Variants in BTBD10 observed in about 807,000 individuals in gnomAD.
BTBD10 encodes BTB/POZ domain-containing protein 10.
In BTBD10, 21 loss-of-function variants were observed where a neutral mutation model predicts 53.2. The ratio of observed to expected loss-of-function variants is 0.39; its 90% CI spans 0.28 to 0.57. The LOEUF is 0.57. Among genes scored for constraint, BTBD10 ranks in the 20% least tolerant of loss-of-function variants. BTBD10 has a pLI of 0.53. For missense variants in BTBD10, 360 were observed against 594.7 expected, an observed-to-expected ratio of 0.61 and a Z score of 4.10; for synonymous variants, 149 against 192.7, an observed-to-expected ratio of 0.77 and a Z score of 1.88.
intron 1 of BTBD10, among the ~76,000 whole-genome samples, chr11:13,452,352 T>C (rs770533484): frequency 3.9e-5 from 6 of 152,190 alleles, no homozygotes; most frequent in Non-Finnish European, 7.4e-5. Context: ...TGGTGAGTGA[T>C]GAACTATTCT....
intron 6 of BTBD10, among the ~76,000 whole-genome samples, chr11:13,410,851 G>A (rs1949926686): frequency 6.6e-6 from 1 of 152,074 alleles, no homozygotes; most frequent in South Asian, 2.1e-4. Flanking sequence ...TGAAGAAAAT[G>A]ATAAAACTCT....
chr11:13,417,350 A>AT (rs1437551964), intron 4 of BTBD10, 90 bp from the exon 5 acceptor site: 17 of 867,058 alleles, frequency 2.0e-5, no homozygotes, highest in Middle Eastern at 5.0e-4. Flanking sequence ...AAAAGGAATT[A>AT]TATCATTAAA....
At chr11:13,430,724 G>A (rs1343248845) in intron 2 of BTBD10, among the ~76,000 whole-genome samples, 1 of 151,976 alleles carries the variant, frequency 6.6e-6, no homozygotes, top group Non-Finnish European at 1.5e-5. Flanking sequence ...CACAAGTTAC[G>A]ACATGAATCA....
chr11:13,461,048 T>C (rs1565279035), intron 1 of BTBD10, among the ~76,000 whole-genome samples: 2 of 152,208 alleles, frequency 1.3e-5, no homozygotes. Context: ...ACTATAACTA[T>C]ACTTAAAGGC....
At chr11:13,456,090 C>T (rs12276571) in intron 1 of BTBD10, among the ~76,000 whole-genome samples, 344 of 152,286 alleles carry the variant, frequency 2.3e-3, no homozygotes, top group Non-Finnish European at 3.9e-3. Context: ...AAAACACTTG[C>T]TCACAAAGAA....
chr11:13,459,218 G>C (rs919058641), intron 1 of BTBD10, among the ~76,000 whole-genome samples: 57 of 151,162 alleles, frequency 3.8e-4, no homozygotes, highest in Admixed American at 8.5e-4. Context: ...CACTACGCCC[G>C]GCTAATTTTT....
intron 8 of BTBD10, among the ~76,000 whole-genome samples, chr11:13,391,575 G>A (rs1161117298): frequency 6.6e-6 from 1 of 152,212 alleles, no homozygotes; most frequent in Non-Finnish European, 1.5e-5. Context: ...TACACTGCAG[G>A]TGCTAAACAA....
At chr11:13,449,271 G>A (rs1365102806) in intron 1 of BTBD10, among the ~76,000 whole-genome samples, 1 of 152,108 alleles carries the variant, frequency 6.6e-6, no homozygotes, top group Admixed American at 6.5e-5. Context: ...AGTGTATGGA[G>A]ACCACTTATT....
chr11:13,450,213 C>A (rs928265281), intron 1 of BTBD10, among the ~76,000 whole-genome samples: 1 of 152,092 alleles, frequency 6.6e-6, no homozygotes, highest in African/African-American at 2.4e-5. Flanking sequence ...ATGGTAAAGA[C>A]TGACCAGGAG....
chr11:13,413,471 T>A (rs1950012416), intron 6 of BTBD10, 59 bp downstream of exon 6: 1 of 1,466,884 alleles, frequency 6.8e-7, no homozygotes, highest in Non-Finnish European at 9.2e-7. Flanking sequence ...AATTTCAGGC[T>A]TTTTGTTCCA....
chr11:13,427,147 G>A (rs933324258), intron 2 of BTBD10, among the ~76,000 whole-genome samples: 11 of 152,242 alleles, frequency 7.2e-5, no homozygotes, highest in Admixed American at 3.3e-4. Context: ...AGCCTCGGAG[G>A]TCAAGGCTGC....
chr11:13,427,810 A>G (rs912822579), intron 2 of BTBD10, among the ~76,000 whole-genome samples: 7 of 152,234 alleles, frequency 4.6e-5, no homozygotes, highest in African/African-American at 1.4e-4. Context: ...GTAAAATTCA[A>G]TAACAGAGAT....
intron 1 of BTBD10, among the ~76,000 whole-genome samples, chr11:13,456,159 A>T (rs1950963884): frequency 6.6e-6 from 1 of 152,186 alleles, no homozygotes. Context: ...TAATAAAATT[A>T]AAAATGTTGT....
At chr11:13,405,575 G>C (rs1357282263) in intron 7 of BTBD10, 84 bp downstream of exon 7, 2 of 1,452,196 alleles carry the variant, frequency 1.4e-6, no homozygotes, top group Non-Finnish European at 1.9e-6. Context: ...CCCCCAGGCT[G>C]GTCTATGAGA....
chr11:13,391,933 A>G (rs1949418091), intron 8 of BTBD10, among the ~76,000 whole-genome samples: 1 of 152,190 alleles, frequency 6.6e-6, no homozygotes. Context: ...ACAGAGCGAG[A>G]CCCTGTCAGA....
chr11:13,398,301 CTTCT>C (rs1440361828), intron 8 of BTBD10, among the ~76,000 whole-genome samples: 5 of 151,888 alleles, frequency 3.3e-5, no homozygotes, highest in African/African-American at 4.8e-5. Flanking sequence ...ATGTAATGGC[CTTCT>C]TTGTCTCTTT....
chr11:13,397,890 C>A (rs1280882069), intron 8 of BTBD10, among the ~76,000 whole-genome samples: 1 of 152,188 alleles, frequency 6.6e-6, no homozygotes, highest in Non-Finnish European at 1.5e-5. Context: ...AGTTGGATTG[C>A]ACTGTGGTCT....
At chr11:13,450,515 A>G (rs1452205258) in intron 1 of BTBD10, among the ~76,000 whole-genome samples, 1 of 152,166 alleles carries the variant, frequency 6.6e-6, no homozygotes, top group Admixed American at 6.6e-5. Flanking sequence ...AACACAGAAA[A>G]TGTATGATAT....
intron 6 of BTBD10, among the ~76,000 whole-genome samples, chr11:13,406,948 T>C (rs1949846431): frequency 6.6e-6 from 1 of 152,142 alleles, no homozygotes; most frequent in South Asian, 2.1e-4. Context: ...TCTCCCCAAC[T>C]TCTGAACCAA....
Sources: gnomAD v4.1 joint callset for allele counts (sites outside exome capture counted in the v4.1 genomes callset) on GRCh38, gnomAD v4.1.1 for gene constraint, MANE v1.5 for transcripts, NCBI Gene and HGNC (gene_info 2026-07-23, HGNC 2026-07-21) for gene names.